PLSCR4: variants seen among roughly 807,000 people sequenced by gnomAD.
The protein encoded by PLSCR4 is Ca(2+)-dependent phospholipid scramblase 4.
PLSCR4 carries 25 observed loss-of-function variants against 36.3 expected under a neutral mutation model. That is an observed-to-expected ratio of 0.69 (90% CI 0.50 to 0.96). The LOEUF (loss-of-function observed/expected upper bound fraction) is 0.96. Ranked by LOEUF, PLSCR4 falls within the 40% of genes least tolerant of loss-of-function variation. The pLI is 0.00. For missense variants in PLSCR4, 408 were observed against 414.7 expected (o/e 0.98, Z 0.14); for synonymous variants, 122 against 132.9 (o/e 0.92, Z 0.56).
In PLSCR4 at chr3:146,193,183, A is replaced by G. The variant is rs1287595694; in HGVS notation, c.*1228T>C. On this transcript the variant is annotated 3_prime_UTR_variant, in exon 9 of 9. Transcript: ENST00000354952. Reference sequence around the variant, plus strand: ...AAAAATGTGTAATTGATAATTTATTATTGGTCCTACATATTATTTACTGGC... The same window carrying G: ...AAAAATGTGTAATTGATAATTTATTGTTGGTCCTACATATTATTTACTGGC... 1 of 152,202 alleles carries G rather than the reference A, an allele frequency of 6.6e-6. No homozygotes were observed. Among genetic ancestry groups the G allele is most frequent in the Non-Finnish European group, 1.5e-5 (1 of 68,036 alleles). 9.4% of individuals were successfully genotyped at this position (152,202 alleles called of 1,614,324 possible). A position where few individuals can be genotyped will look rare whatever the true frequency, so the allele number is the denominator to read the frequency against.
intron 6 of PLSCR4, among the ~76,000 whole-genome samples, chr3:146,199,088 CAG>C: frequency 6.6e-6 from 1 of 152,158 alleles, no homozygotes; most frequent in Non-Finnish European, 1.5e-5. Context: ...TGTTATTTAA[CAG>C]ATCATTTAAG....
At chr3:146,213,498 T>C (rs1336260314) in intron 3 of PLSCR4, among the ~76,000 whole-genome samples, 1 of 151,938 alleles carries the variant, frequency 6.6e-6, no homozygotes, top group Non-Finnish European at 1.5e-5. Context: ...AATTTTTGTA[T>C]TTTTAGTAGA....
At chr3:146,249,417 A>T (rs1462682380) in intron 1 of PLSCR4, among the ~76,000 whole-genome samples, 1 of 151,958 alleles carries the variant, frequency 6.6e-6, no homozygotes. Context: ...TCTTCTTCCC[A>T]CCCAGTGATT....
chr3:146,232,278 G>A (rs373636356), intron 1 of PLSCR4, among the ~76,000 whole-genome samples: 1 of 152,062 alleles, frequency 6.6e-6, no homozygotes, highest in Non-Finnish European at 1.5e-5. Context: ...ATAGTGTGAC[G>A]CCTCTGGCTT....
At chr3:146,204,480 T>C (rs889264072) in intron 4 of PLSCR4, among the ~76,000 whole-genome samples, 2 of 151,954 alleles carry the variant, frequency 1.3e-5, no homozygotes, top group African/African-American at 4.8e-5. Flanking sequence ...TTATAGATGA[T>C]AAAATTCAAG....
At position 146,196,854 on chromosome 3, in the gene PLSCR4, A is replaced by G. The variant is rs559356433; in HGVS notation, c.625-61T>C. The G allele has an allele frequency of 7.1e-4, 985 of 1,391,810 alleles. 2 individuals carry two copies. Among genetic ancestry groups the G allele is most frequent in the Non-Finnish European group, 8.7e-4 (859 of 989,264 alleles). 86.2% of individuals were successfully genotyped at this position (1,391,810 alleles called of 1,614,324 possible). ...CATGCATACACATACACTTACACAT[A>G]CGCACATACACAATCTAGATGTGTC... is the stretch of plus-strand genomic sequence containing the variant. On this transcript the variant is annotated intron_variant, in intron 6 of 8. Coordinates refer to ENST00000354952, the MANE Select transcript of PLSCR4 (RefSeq NM_020353.3).
At chr3:146,201,321 G>T (rs1451980008) in intron 4 of PLSCR4, among the ~76,000 whole-genome samples, 1 of 152,014 alleles carries the variant, frequency 6.6e-6, no homozygotes, top group African/African-American at 2.4e-5. Context: ...TAAAAAAGTT[G>T]TCTGCTATAT....
At chr3:146,237,593 A>G (rs1369554048) in intron 1 of PLSCR4, among the ~76,000 whole-genome samples, 1 of 151,886 alleles carries the variant, frequency 6.6e-6, no homozygotes, top group Non-Finnish European at 1.5e-5. Context: ...GAAATTCAAA[A>G]TATGTGGATA....
chr3:146,219,615 T>G (rs2035049845), intron 3 of PLSCR4, among the ~76,000 whole-genome samples: 1 of 151,930 alleles, frequency 6.6e-6, no homozygotes, highest in South Asian at 2.1e-4. Context: ...ATCATATGCC[T>G]AGAGCCAAAA....
rs544052703 is a variant in PLSCR4 at position 146,229,670 on chromosome 3, G to A, written c.-21-7578C>T. Among the ~76,000 whole-genome samples the A allele has an allele frequency of 2.0e-3, 303 of 150,186 alleles. 1 individual carries two copies. Among genetic ancestry groups the A allele is most frequent in the Non-Finnish European group, 3.1e-3 (209 of 67,690 alleles). On this transcript the variant is annotated intron_variant, in intron 1 of 8. Transcript: ENST00000354952. The stretch of plus-strand genomic sequence containing the variant: ...GATGGAGTCTCGCTCTGTCACCCAG[G>A]CTGGAGTGCAGTGGTGCAATCTTGG...
intron 1 of PLSCR4, among the ~76,000 whole-genome samples, chr3:146,230,928 G>T (rs1041397973): frequency 6.6e-6 from 1 of 151,144 alleles, no homozygotes; most frequent in South Asian, 2.1e-4. Flanking sequence ...GCTAAATTAC[G>T]TGTCAATAGG....
At position 146,196,665 on chromosome 3, in the gene PLSCR4, T is replaced by A. The variant is rs1457108990; in HGVS notation, c.753A>T (p.Ser251=). Residue 251 remains serine (S), a synonymous_variant, in exon 7 of 9, where the codon TCA becomes TCT. Coordinates refer to ENST00000354952, the MANE Select transcript of PLSCR4 (RefSeq NM_020353.3). ...CAGAATCTGAACCACAGCCATAGGT[T>A]GAGCATGGCCCACGAACTCTCATCA... is the stretch of plus-strand genomic sequence containing the variant. The part of the protein sequence containing the change: ...ENVMRVRGPC[S]TYGCGSDSVF... The A allele has an allele frequency of 6.2e-7, 1 of 1,614,016 alleles. No individual in the cohort carries two copies.
Position 146,220,978 on chromosome 3 carries a change from CAA to C in PLSCR4, c.8-55_8-54del, listed in dbSNP as rs1360257012. 5.7e-6 allele frequency: 6 copies of C among 1,057,632 alleles called. No homozygotes were observed. The East Asian group carries it at 1.5e-4, about 26-fold the overall frequency. 65.5% of individuals were successfully genotyped at this position (1,057,632 alleles called of 1,614,324 possible). A position where few individuals can be genotyped will look rare whatever the true frequency, so the allele number is the denominator to read the frequency against. On this transcript the variant is annotated intron_variant, in intron 2 of 8. Transcript: ENST00000354952. ...TACAAAGGAAACAATAATATAATGA[CAA>C]AATGTATTCTTTTTCCTTTCTTATG...
At chr3:146,200,662 G>A (rs1053976502) in intron 5 of PLSCR4, among the ~76,000 whole-genome samples, 1 of 152,042 alleles carries the variant, frequency 6.6e-6, no homozygotes, top group African/African-American at 2.4e-5. Context: ...TGGTTTAAAT[G>A]CTATTTCCTG....
At chr3:146,223,486 C>T (rs1310950358) in intron 1 of PLSCR4, among the ~76,000 whole-genome samples, 1 of 152,148 alleles carries the variant, frequency 6.6e-6, no homozygotes, top group Non-Finnish European at 1.5e-5. Context: ...AGCCTATGTA[C>T]TTTTCAATAT....
chr3:146,200,890 A>C (rs2034013321), intron 5 of PLSCR4, 145 bp downstream of exon 5: 1 of 585,540 alleles, frequency 1.7e-6, no homozygotes, highest in Middle Eastern at 4.4e-4. Context: ...TCACTTTATT[A>C]CTTTCTTGAA....
intron 3 of PLSCR4, among the ~76,000 whole-genome samples, chr3:146,215,971 C>T (rs2034874501): frequency 2.0e-5 from 3 of 152,182 alleles, no homozygotes; most frequent in South Asian, 4.1e-4. Context: ...TGGCTCACGC[C>T]TGTAATCCCA....
chr3:146,227,764 G>C (rs1265996416), intron 1 of PLSCR4, among the ~76,000 whole-genome samples: 3 of 152,134 alleles, frequency 2.0e-5, no homozygotes, highest in African/African-American at 7.2e-5. Context: ...CTTTAACCCT[G>C]AGAGAAGAGA....
intron 3 of PLSCR4, among the ~76,000 whole-genome samples, chr3:146,219,478 G>T (rs145403945): frequency 6.6e-6 from 1 of 152,088 alleles, no homozygotes; most frequent in Admixed American, 6.6e-5. Context: ...GAAAGGTTGC[G>T]CTATTAATGC....
Sources: gnomAD v4.1 joint callset for allele counts (sites outside exome capture counted in the v4.1 genomes callset) on GRCh38, gnomAD v4.1.1 for gene constraint, MANE v1.5 for transcripts, NCBI Gene and HGNC (gene_info 2026-07-23, HGNC 2026-07-21) for gene names.